Variants in BCAS1 observed in about 807,000 individuals in gnomAD.
The protein encoded by BCAS1 is brain enriched myelin associated protein 1, also known as breast carcinoma-amplified sequence 1.
BCAS1 carries 46 observed loss-of-function variants against 65.4 expected under a neutral mutation model. The ratio of observed to expected loss-of-function variants is 0.70; its 90% CI spans 0.55 to 0.90. The LOEUF is 0.90. BCAS1 is among the 40% of genes least tolerant of loss of function. The probability of loss-of-function intolerance (pLI) is 0.00; values close to 1 mark genes in which losing one functional copy is unlikely to be tolerated. For missense variants in BCAS1, 793 were observed against 771.2 expected (o/e 1.03, Z -0.33); for synonymous variants, 298 against 293.5 (o/e 1.02, Z -0.16).
intron 8 of BCAS1, among the ~76,000 whole-genome samples, chr20:53,977,600 C>A (rs2090367253): frequency 6.6e-6 from 1 of 152,164 alleles, no homozygotes; most frequent in Non-Finnish European, 1.5e-5. Flanking sequence ...ATTTCAGAAG[C>A]AACTGGGAAC....
At position 54,012,470 on chromosome 20, in the gene BCAS1, A is replaced by G. The variant is rs868053607; in HGVS notation, c.723+15922T>C. Among the ~76,000 whole-genome samples the G allele has an allele frequency of 1.3e-4, 19 of 147,950 alleles. No individual in the cohort carries two copies. In the Middle Eastern group the frequency reaches 0.01, roughly 81 times the overall value. On this transcript the variant is annotated intron_variant, in intron 4 of 12. Coordinates refer to ENST00000688948, the MANE Select transcript of BCAS1 (RefSeq NM_001366298.2). ...CAATAATTTCAAAGTTAAAAAGTAA[A>G]AAAAAAAAAAAAAAGCTTGATAGGA...
At chr20:54,038,350 C>A (rs1036860374) in intron 3 of BCAS1, among the ~76,000 whole-genome samples, 4 of 151,288 alleles carry the variant, frequency 2.6e-5, no homozygotes, top group Non-Finnish European at 3.0e-5. Context: ...CCATTAATTT[C>A]TTCTTCACTT....
At chr20:54,059,648 A>C (rs1354006147) in intron 1 of BCAS1, among the ~76,000 whole-genome samples, 1 of 152,202 alleles carries the variant, frequency 6.6e-6, no homozygotes, top group Non-Finnish European at 1.5e-5. Context: ...GGTTGTATGA[A>C]CATCATAGAT....
intron 4 of BCAS1, among the ~76,000 whole-genome samples, chr20:54,023,116 T>C (rs891721492): frequency 6.6e-6 from 1 of 152,258 alleles, no homozygotes; most frequent in African/African-American, 2.4e-5. Flanking sequence ...CACTTGGCCT[T>C]CTAATGTTGA....
At chr20:54,032,170 C>A (rs986111000) in intron 3 of BCAS1, among the ~76,000 whole-genome samples, 11 of 151,396 alleles carry the variant, frequency 7.3e-5, no homozygotes, top group African/African-American at 2.7e-4. Flanking sequence ...GATTGAGGAC[C>A]AATATTCAAC....
intron 3 of BCAS1, among the ~76,000 whole-genome samples, chr20:54,041,635 G>C (rs1348898716): frequency 6.6e-6 from 1 of 152,060 alleles, no homozygotes; most frequent in African/African-American, 2.4e-5. Flanking sequence ...TGTAATCCTA[G>C]CACTTTGGGA....
chr20:53,944,821 CATCAGAAGAAT>C lies in BCAS1; in HGVS notation c.*90_*100del. 9.1e-7 allele frequency: 1 copy of C among 1,096,536 alleles called. No individual in the cohort carries two copies. The allele number at this position is 1,096,536 out of a possible 1,614,324, so 67.9% of individuals were successfully genotyped here. ...TCTAGGCAGAATTTCATTTGCTGGC[CATCAGAAGAAT>C]ATATACATGGAGCGTGTTTGGGGAG... On this transcript the variant is annotated 3_prime_UTR_variant, in exon 13 of 13. Transcript: ENST00000688948.
At chr20:54,031,432 TC>T (rs1427611289) in intron 3 of BCAS1, among the ~76,000 whole-genome samples, 2 of 151,398 alleles carry the variant, frequency 1.3e-5, no homozygotes, top group South Asian at 4.2e-4. Context: ...AGCTCTGCTC[TC>T]CAAATTTAGG....
At chr20:54,011,373 A>C (rs921321565) in intron 4 of BCAS1, among the ~76,000 whole-genome samples, 17 of 149,036 alleles carry the variant, frequency 1.1e-4, no homozygotes, top group Non-Finnish European at 1.8e-4. Flanking sequence ...AAAGAAAAAA[A>C]TTCTTAAAAC....
chr20:54,015,240 C>T (rs1340969632), intron 4 of BCAS1, among the ~76,000 whole-genome samples: 4 of 152,044 alleles, frequency 2.6e-5, no homozygotes, highest in African/African-American at 9.7e-5. Flanking sequence ...CCATGTTGGC[C>T]AGGCTGATCT....
chr20:53,995,107 A>G (rs756615304), intron 5 of BCAS1, 51 bp from the exon 6 acceptor site: 2 of 1,501,322 alleles, frequency 1.3e-6, no homozygotes, highest in Non-Finnish European at 1.9e-6. Context: ...CTTTAGAGTG[A>G]TTTTTATTTC....
intron 1 of BCAS1, among the ~76,000 whole-genome samples, chr20:54,060,014 G>T (rs1311809775): frequency 6.6e-6 from 1 of 152,214 alleles, no homozygotes; most frequent in Non-Finnish European, 1.5e-5. Context: ...TGCACAGGGA[G>T]AGAGTTAACA....
chr20:53,966,033 T>C (rs976240817), intron 10 of BCAS1, among the ~76,000 whole-genome samples: 4 of 152,206 alleles, frequency 2.6e-5, no homozygotes, highest in Non-Finnish European at 4.4e-5. Context: ...TAGGTGGGAA[T>C]GTGAACTAGT....
chr20:53,984,004 A>G (rs993526712), intron 8 of BCAS1, among the ~76,000 whole-genome samples: 1 of 149,236 alleles, frequency 6.7e-6, no homozygotes, highest in African/African-American at 2.5e-5. Flanking sequence ...TATCAGAACC[A>G]TTATTTATGT....
chr20:53,975,492 A>G (rs973759522), intron 8 of BCAS1, 62 bp from the exon 9 acceptor site: 2 of 1,427,248 alleles, frequency 1.4e-6, no homozygotes, highest in Admixed American at 3.4e-5. Flanking sequence ...ATTGTTACAT[A>G]AAAGCAAAGG....
At chr20:53,997,831 G>A (rs957483488) in intron 4 of BCAS1, among the ~76,000 whole-genome samples, 10 of 152,034 alleles carry the variant, frequency 6.6e-5, no homozygotes, top group Non-Finnish European at 1.5e-4. Flanking sequence ...GTCTGGAGGT[G>A]GGTGGAGTGA....
chr20:54,013,121 A>G (rs903655671), intron 4 of BCAS1, among the ~76,000 whole-genome samples: 1 of 152,256 alleles, frequency 6.6e-6, no homozygotes, highest in African/African-American at 2.4e-5. Context: ...ATGGCTGATG[A>G]TAACAAGGTG....
intron 10 of BCAS1, among the ~76,000 whole-genome samples, chr20:53,963,607 A>G (rs544531174): frequency 1.2e-4 from 18 of 152,202 alleles, no homozygotes; most frequent in Non-Finnish European, 2.4e-4. Flanking sequence ...ATTTAAACAA[A>G]TCGATATTTT....
At chr20:53,973,982 C>T (rs2090254842) in intron 9 of BCAS1, among the ~76,000 whole-genome samples, 1 of 152,120 alleles carries the variant, frequency 6.6e-6, no homozygotes, top group South Asian at 2.1e-4. Context: ...TGCTCTGTGT[C>T]TAGCTAAAGG....
Sources: allele counts gnomAD v4.1 joint callset (sites outside exome capture counted in the v4.1 genomes callset), GRCh38; gene constraint gnomAD v4.1.1; transcripts MANE v1.5; gene names NCBI Gene and HGNC (gene_info 2026-07-23, HGNC 2026-07-21).